The following RNF214 variants were observed in gnomAD, a reference collection of about 807,000 sequenced individuals.
RNF214 encodes ring finger protein 214.
RNF214 carries 25 observed loss-of-function variants against 75.9 expected under a neutral mutation model. The ratio of observed to expected loss-of-function variants is 0.33; its 90% confidence interval spans 0.24 to 0.46. The LOEUF (loss-of-function observed/expected upper bound fraction) is 0.46. Among genes scored for constraint, RNF214 ranks in the 20% least tolerant of loss-of-function variants. The pLI is 1.00. For missense variants in RNF214, 725 were observed against 857.5 expected (o/e 0.85, Z 1.93); for synonymous variants, 314 against 308.8 (o/e 1.02, Z -0.18).
At chr11:117,263,603 G>T (rs978114385) in intron 6 of RNF214, among the ~76,000 whole-genome samples, 1 of 152,158 alleles carries the variant, frequency 6.6e-6, no homozygotes, top group Admixed American at 6.6e-5. Context: ...GTGTGCATGC[G>T]TGCATACGTA....
chr11:117,235,276 A>G (rs1358025273), intron 2 of RNF214, among the ~76,000 whole-genome samples: 1 of 151,998 alleles, frequency 6.6e-6, no homozygotes, highest in Non-Finnish European at 1.5e-5. Flanking sequence ...GGCTCACTGC[A>G]AGCTCTGCCT....
intron 6 of RNF214, among the ~76,000 whole-genome samples, chr11:117,264,577 C>T (rs1298489588): frequency 6.6e-6 from 1 of 151,950 alleles, no homozygotes; most frequent in Non-Finnish European, 1.5e-5. Flanking sequence ...CCCTGAGCCC[C>T]AACATTGATA....
chr11:117,283,070 C>A, intron 13 of RNF214, 45 bp from the exon 14 acceptor site: 1 of 1,394,754 alleles, frequency 7.2e-7, no homozygotes, highest in Non-Finnish European at 1.0e-6. Context: ...GGCAAGGAGA[C>A]CCAGAGGTTC....
intron 6 of RNF214, among the ~76,000 whole-genome samples, chr11:117,274,005 G>A (rs991621061): frequency 1.4e-4 from 22 of 152,118 alleles, no homozygotes; most frequent in African/African-American, 4.6e-4. Flanking sequence ...TCTCGTAGCA[G>A]GGTCTATGTG....
intron 4 of RNF214, 106 bp downstream of exon 4, chr11:117,239,966 C>G (rs2033025584): frequency 3.1e-6 from 2 of 651,810 alleles, no homozygotes; most frequent in Non-Finnish European, 5.4e-6. Context: ...TCATAAAATT[C>G]CTGACAGATG....
At chr11:117,251,362 G>A (rs1464973912) in intron 6 of RNF214, among the ~76,000 whole-genome samples, 13 of 138,168 alleles carry the variant, frequency 9.4e-5, no homozygotes, top group South Asian at 2.4e-4. Flanking sequence ...CGGACGGGGC[G>A]GCTGGCCGGG....
intron 6 of RNF214, among the ~76,000 whole-genome samples, chr11:117,266,832 A>T (rs1416806181): frequency 1.4e-5 from 2 of 147,190 alleles, no homozygotes; most frequent in African/African-American, 2.5e-5. Flanking sequence ...CATATTGGAT[A>T]ATTTATTTAT....
intron 6 of RNF214, among the ~76,000 whole-genome samples, chr11:117,247,241 G>A (rs942505513): frequency 2.0e-5 from 3 of 152,140 alleles, no homozygotes; most frequent in Non-Finnish European, 4.4e-5. Context: ...TATAATCCCA[G>A]CGCTTTGGGA....
At chr11:117,242,263 A>T (rs921020297) in intron 4 of RNF214, among the ~76,000 whole-genome samples, 1 of 152,158 alleles carries the variant, frequency 6.6e-6, no homozygotes, top group African/African-American at 2.4e-5. Context: ...ATGTTAATTT[A>T]TAAAGAGTGG....
rs187314967 is a variant in RNF214 at position 117,263,761 on chromosome 11, T to C, written c.960-16147T>C. The stretch of plus-strand genomic sequence containing the variant: ...GCGAGGGGAAGAAACATATGGTGAA[T>C]ACAAATTGCCTTGTTATGTAGGTAA... On this transcript the variant is annotated intron_variant, in intron 6 of 14. Transcript: ENST00000300650. 11 of 166,396 alleles carry C rather than the reference T, an allele frequency of 6.6e-5. No individual in the cohort carries two copies. The East Asian group carries it at 1.6e-3, about 24-fold the overall frequency. 10.3% of individuals were successfully genotyped at this position (166,396 alleles called of 1,614,324 possible).
At chr11:117,258,726 T>A (rs2033587823) in intron 6 of RNF214, among the ~76,000 whole-genome samples, 1 of 152,162 alleles carries the variant, frequency 6.6e-6, no homozygotes, top group African/African-American at 2.4e-5. Context: ...AATACATTAC[T>A]GTTAAACCTG....
At chr11:117,280,141 A>G (rs766647789) in intron 7 of RNF214, 30 bp from the exon 8 acceptor site, 7 of 1,570,228 alleles carry the variant, frequency 4.5e-6, no homozygotes, top group African/African-American at 2.7e-5. Flanking sequence ...TAAAATTAAT[A>G]AAGTATTTAT....
chr11:117,279,356 G>T (rs2034081263), intron 6 of RNF214, among the ~76,000 whole-genome samples: 1 of 121,694 alleles, frequency 8.2e-6, no homozygotes, highest in South Asian at 2.6e-4. Flanking sequence ...TTTTGAGACA[G>T]AGTCTCGCTT....
At chr11:117,283,021 A>G in intron 13 of RNF214, 94 bp from the exon 14 acceptor site, 3 of 1,058,902 alleles carry the variant, frequency 2.8e-6, no homozygotes, top group South Asian at 2.8e-5. Context: ...GTTTCTTTTG[A>G]TATAAATCTT....
intron 5 of RNF214, 26 bp downstream of exon 5, chr11:117,244,611 A>G (rs776724919): frequency 3.3e-5 from 52 of 1,571,042 alleles, no homozygotes; most frequent in Middle Eastern, 3.3e-4. Flanking sequence ...TGAAATTGTC[A>G]ATGAGTTAAG....
chr11:117,259,090 G>A (rs563310572), intron 6 of RNF214, among the ~76,000 whole-genome samples: 1 of 152,236 alleles, frequency 6.6e-6, no homozygotes, highest in Admixed American at 6.5e-5. Context: ...TCGAATAGCT[G>A]GGATTACAGA....
chr11:117,281,187 T>G, intron 8 of RNF214, 127 bp from the exon 9 acceptor site: 1 of 653,468 alleles, frequency 1.5e-6, no homozygotes, highest in Non-Finnish European at 2.8e-6. Context: ...TTGCCCAGGC[T>G]GGTCTAGAAC....
rs369926921 is a variant in RNF214, at chr11:117,281,844, C to T, written c.1336-50C>T. 44 of 1,588,054 alleles carry T rather than the reference C, an allele frequency of 2.8e-5. No individual in the cohort carries two copies. In the African/African-American group the frequency reaches 5.3e-4, roughly 19 times the overall value. On this transcript the variant is annotated intron_variant, in intron 10 of 14. Coordinates refer to ENST00000300650, the MANE Select transcript of RNF214 (RefSeq NM_207343.4). Reference sequence around the variant, plus strand: ...TTGATGTCTTCTCCAGTTTCCTAAACTTTCTTTTTCTTCCTTTCTCTCTCG... The same window carrying T: ...TTGATGTCTTCTCCAGTTTCCTAAATTTTCTTTTTCTTCCTTTCTCTCTCG...
intron 6 of RNF214, among the ~76,000 whole-genome samples, chr11:117,262,272 A>G (rs1366138325): frequency 1.3e-5 from 2 of 151,764 alleles, no homozygotes; most frequent in Admixed American, 1.3e-4. Context: ...TATTTTTAGT[A>G]GTGACAGGGT....
Sources: allele counts gnomAD v4.1 joint callset (sites outside exome capture counted in the v4.1 genomes callset), GRCh38; gene constraint gnomAD v4.1.1; transcripts MANE v1.5; gene names NCBI Gene and HGNC (gene_info 2026-07-23, HGNC 2026-07-21).